Variants in EPHA4 observed in about 807,000 individuals in gnomAD.
The protein encoded by EPHA4 is EPH receptor A4, also known as ephrin type-A receptor 4.
In EPHA4, 19 loss-of-function variants were observed where a neutral mutation model predicts 108.3. That is an observed-to-expected ratio of 0.18 (90% CI 0.12 to 0.26). The LOEUF (loss-of-function observed/expected upper bound fraction) is 0.26. Ranked by LOEUF, EPHA4 falls within the 10% of genes least tolerant of loss-of-function variation. EPHA4 has a pLI of 1.00. For synonymous variants in EPHA4, 449 were observed against 455.5 expected (o/e 0.99, Z 0.18); for missense variants, 917 against 1,254.0 (o/e 0.73, Z 4.06).
At chr2:221,545,777 A>G (rs1255280583) in intron 3 of EPHA4, among the ~76,000 whole-genome samples, 1 of 152,088 alleles carries the variant, frequency 6.6e-6, no homozygotes, top group Non-Finnish European at 1.5e-5. Flanking sequence ...ACACATTCAC[A>G]TACACACACC....
chr2:221,507,365 T>C (rs894565094), intron 3 of EPHA4, among the ~76,000 whole-genome samples: 8 of 152,226 alleles, frequency 5.3e-5, no homozygotes, highest in Non-Finnish European at 1.0e-4. Flanking sequence ...TTGATTTTCT[T>C]TTTTTGATTA....
At position 221,449,680 on chromosome 2, in the gene EPHA4, T is replaced by G. The variant is rs145087932; in HGVS notation, c.1716-3499A>C. Among the ~76,000 whole-genome samples, 687 of 152,236 alleles carry G rather than the reference T, an allele frequency of 4.5e-3. 5 individuals are homozygous for G. The highest frequency in any genetic ancestry group is 0.016 in the African/African-American group (659 of 41,508). On this transcript the variant is annotated intron_variant, in intron 8 of 17. Transcript: ENST00000281821. ...CAACCAACGTGCTGTTCCTGGCACCTTGACTATTCAATATAACAAACAAAA... is the reference window on the plus strand; with the variant it reads ...CAACCAACGTGCTGTTCCTGGCACCGTGACTATTCAATATAACAAACAAAA...
At chr2:221,501,882 T>C (rs912360607) in intron 3 of EPHA4, among the ~76,000 whole-genome samples, 7 of 152,202 alleles carry the variant, frequency 4.6e-5, no homozygotes, top group Non-Finnish European at 1.0e-4. Context: ...TTTTGGAATA[T>C]AGTATGCTAA....
rs1215288334 is a variant in EPHA4, at chr2:221,430,109, T to C, written c.2539A>G (p.Met847Val). ...IEEGYRLPPP[M>V]DCPIALHQLM... Reference sequence around the variant, plus strand: ...TGGTGGAGCGCAATGGGGCAGTCCATTGGAGGGGGTAACCGATAGCCTTCC... The same window carrying C: ...TGGTGGAGCGCAATGGGGCAGTCCACTGGAGGGGGTAACCGATAGCCTTCC... Residue 847 changes from methionine (M) to valine (V), a missense_variant, in exon 15 of 18, where the codon ATG (methionine) becomes GTG (valine). By Grantham distance (21) the Met-to-Val change is conservative. Transcript: ENST00000281821. The C allele has an allele frequency of 1.2e-6, 2 of 1,612,498 alleles. No homozygotes were observed. Among genetic ancestry groups the C allele is most frequent in the Admixed American group, 1.7e-5 (1 of 59,938 alleles).
At chr2:221,524,333 A>T (rs1204748793) in intron 3 of EPHA4, among the ~76,000 whole-genome samples, 1 of 152,226 alleles carries the variant, frequency 6.6e-6, no homozygotes, top group African/African-American at 2.4e-5. Context: ...GAGAAAGCAT[A>T]ATCACCTATA....
At chr2:221,502,662 A>T (rs1007929099) in intron 3 of EPHA4, 1 of 460,284 alleles carries the variant, frequency 2.2e-6, no homozygotes, top group African/African-American at 2.0e-5. Flanking sequence ...CCACTCGCAT[A>T]TCCTGTTGGC....
rs148586364 is a variant in EPHA4, at chr2:221,567,983, T to C, written c.159+735A>G. ...CCAAAGCTGATTCATTCTGACTGGT[T>C]ATTTAGGGGGAGTAGGAGAATGTGG... On this transcript the variant is annotated intron_variant, in intron 2 of 17. Transcript: ENST00000281821. Among the ~76,000 whole-genome samples, 16 of 152,334 alleles carry C rather than the reference T, an allele frequency of 1.1e-4. No homozygotes were observed. In the East Asian group the frequency reaches 3.1e-3, roughly 29 times the overall value.
chr2:221,526,973 A>G (rs1559279874), intron 3 of EPHA4, among the ~76,000 whole-genome samples: 1 of 150,656 alleles, frequency 6.6e-6, no homozygotes, highest in Non-Finnish European at 1.5e-5. Context: ...ATACAAAAAA[A>G]AAATTAAGCC....
rs1455221336 is a variant in EPHA4 at position 221,447,291 on chromosome 2, T to C, written c.1716-1110A>G. Among the ~76,000 whole-genome samples the C allele has an allele frequency of 2.0e-5, 3 of 152,298 alleles. No homozygotes were observed. The South Asian group carries it at 6.2e-4, about 32-fold the overall frequency. On this transcript the variant is annotated intron_variant, in intron 8 of 17. Transcript: ENST00000281821. ...TCAAAGACAAGGTAAGGCAAGACTC[T>C]TACAGAAAAAGAAACACGGTCTGAG...
intron 5 of EPHA4, among the ~76,000 whole-genome samples, chr2:221,462,173 G>A (rs1446233550): frequency 2.6e-5 from 4 of 151,754 alleles, no homozygotes; most frequent in South Asian, 2.1e-4. Flanking sequence ...AATGAGAGCT[G>A]GTCATGCTAG....
At chr2:221,509,402 A>G (rs1318080536) in intron 3 of EPHA4, among the ~76,000 whole-genome samples, 1 of 152,226 alleles carries the variant, frequency 6.6e-6, no homozygotes, top group Non-Finnish European at 1.5e-5. Context: ...CACTCTGAGG[A>G]GACTAAACTC....
intron 6 of EPHA4, among the ~76,000 whole-genome samples, chr2:221,457,601 A>C (rs1690999954): frequency 1.3e-5 from 2 of 152,228 alleles, no homozygotes; most frequent in African/African-American, 4.8e-5. Flanking sequence ...ACTTTTCAGG[A>C]TAACTAAGTA....
intron 4 of EPHA4, among the ~76,000 whole-genome samples, chr2:221,491,662 T>C (rs1692146503): frequency 6.6e-6 from 1 of 152,182 alleles, no homozygotes; most frequent in African/African-American, 2.4e-5. Context: ...TAGCTAGTAC[T>C]ACTTCCCAGA....
chr2:221,447,382 G>A (rs906440357), intron 8 of EPHA4, among the ~76,000 whole-genome samples: 2 of 152,092 alleles, frequency 1.3e-5, no homozygotes, highest in African/African-American at 2.4e-5. Context: ...CCTATACCCT[G>A]AACTCTTAAA....
In EPHA4 at chr2:221,425,903, G is replaced by GT. The variant is rs566584977; in HGVS notation, c.*124dup. ...TGCACCAAGCAACGCTGCAGATATT[G>GT]TTTTTTTTTTTCATTTCTTTAATTT... On this transcript the variant is annotated 3_prime_UTR_variant, in exon 17 of 18. Coordinates refer to ENST00000281821, the MANE Select transcript of EPHA4 (RefSeq NM_004438.5). 0.089 allele frequency: 54,009 copies of GT among 606,074 alleles called. 7 individuals are homozygous for GT. The highest frequency in any genetic ancestry group is 0.13 in the East Asian group (3,690 of 28,334). 37.5% of individuals were successfully genotyped at this position (606,074 alleles called of 1,614,324 possible).
chr2:221,446,112 AT>A lies in EPHA4; in HGVS notation c.1774+10del. 2.0e-6 allele frequency: 3 copies of A among 1,527,672 alleles called. No homozygotes were observed. Among genetic ancestry groups the A allele is most frequent in the Non-Finnish European group, 1.8e-6 (2 of 1,139,402 alleles). 94.6% of individuals were successfully genotyped at this position (1,527,672 alleles called of 1,614,324 possible). A position where few individuals can be genotyped will look rare whatever the true frequency, so the allele number is the denominator to read the frequency against. ...TCTAAAAATAGAATTTTTTAATCCA[AT>A]TTTTTGTACCTTGATTCAAATGTTT... On this transcript the variant is annotated intron_variant, in intron 9 of 17. Coordinates refer to ENST00000281821, the MANE Select transcript of EPHA4 (RefSeq NM_004438.5).
At chr2:221,567,596 T>C (rs1282498204) in intron 2 of EPHA4, among the ~76,000 whole-genome samples, 1 of 152,234 alleles carries the variant, frequency 6.6e-6, no homozygotes, top group East Asian at 1.9e-4. Context: ...GCAATCTGTT[T>C]TATTTCAGGT....
At chr2:221,519,534 A>G (rs1360308912) in intron 3 of EPHA4, among the ~76,000 whole-genome samples, 1 of 152,224 alleles carries the variant, frequency 6.6e-6, no homozygotes, top group East Asian at 1.9e-4. Context: ...TCTTCAGACG[A>G]ATCCAACAGA....
chr2:221,551,215 T>C (rs1460536249), intron 3 of EPHA4, among the ~76,000 whole-genome samples: 1 of 152,106 alleles, frequency 6.6e-6, no homozygotes, highest in Non-Finnish European at 1.5e-5. Context: ...ACTGAAAACT[T>C]ATTAGTATTC....
Sources: allele counts gnomAD v4.1 joint callset (sites outside exome capture counted in the v4.1 genomes callset), GRCh38; gene constraint gnomAD v4.1.1; transcripts MANE v1.5; gene names NCBI Gene and HGNC (gene_info 2026-07-23, HGNC 2026-07-21).